The following HDAC9 variants were observed in gnomAD, a reference collection of about 807,000 sequenced individuals.
HDAC9 encodes the protein histone deacetylase 9.
Under a neutral mutation model 139.4 loss-of-function variants are expected in HDAC9, and 41 were observed. The observed-to-expected ratio is 0.29, with a 90% CI of 0.23 to 0.38. The LOEUF is 0.38. HDAC9 is among the 10% of genes least tolerant of loss of function. HDAC9 has a pLI of 1.00. For missense variants in HDAC9, 1,147 were observed against 1,297.0 expected (o/e 0.88, Z 1.78); for synonymous variants, 517 against 476.2 (o/e 1.09, Z -1.12).
At chr7:18,485,096 CTGGAGAGAAAACATTAGT>C (rs1795877587) in intron 1 of HDAC9, among the ~76,000 whole-genome samples, 1 of 152,082 alleles carries the variant, frequency 6.6e-6, no homozygotes, top group South Asian at 2.1e-4. Flanking sequence ...TCCCTGCCAT[CTGGAGAGAAAACATTAGT>C]TGGGGGGAAC....
chr7:18,580,091 C>G (rs1283334900), intron 2 of HDAC9, among the ~76,000 whole-genome samples: 2 of 152,078 alleles, frequency 1.3e-5, no homozygotes, highest in Non-Finnish European at 2.9e-5. Context: ...CTAGATTATC[C>G]TTAGTACTCT....
chr7:18,135,271 T>A lies in HDAC9; in HGVS notation c.-96-26958T>A, dbSNP rs1270852111. On this transcript the variant is annotated intron_variant, in intron 1 of 12. Coordinates refer to the HDAC9 transcript ENST00000417496. ...AATTTCTTTCTTTTTTTTTTTTTTTTAAAAAGGTAGTATTTACCATATTCT... is the reference window on the plus strand; with the variant it reads ...AATTTCTTTCTTTTTTTTTTTTTTTAAAAAAGGTAGTATTTACCATATTCT... Among the ~76,000 whole-genome samples, 304 of 141,340 alleles carry A rather than the reference T, an allele frequency of 2.2e-3. 1 individual carries two copies. The highest frequency in any genetic ancestry group is 8.1e-3 in the Admixed American group (117 of 14,402). The allele number at this position is 141,340 out of a possible 152,430, so 92.7% of individuals were successfully genotyped here.
chr7:18,741,127 A>G (rs1554342714), intron 13 of HDAC9, among the ~76,000 whole-genome samples: 1 of 152,352 alleles, frequency 6.6e-6, no homozygotes, highest in Non-Finnish European at 1.5e-5. Flanking sequence ...CGTTTTCCAG[A>G]AAGTCTAGCT....
At chr7:18,461,933 T>G (rs970670677) in intron 1 of HDAC9, among the ~76,000 whole-genome samples, 2 of 152,150 alleles carry the variant, frequency 1.3e-5, no homozygotes, top group African/African-American at 4.8e-5. Context: ...TTATCTCATT[T>G]CATCCTCCCA....
At chr7:18,505,243 C>T (rs189145544) in intron 2 of HDAC9, among the ~76,000 whole-genome samples, 20 of 152,182 alleles carry the variant, frequency 1.3e-4, no homozygotes, top group East Asian at 1.9e-4. Context: ...AAGTTAGCCC[C>T]GCTTCAAAAT....
In HDAC9 at chr7:18,727,589, G is replaced by A; in HGVS notation, c.1741G>A (p.Glu581Lys). 1 of 1,594,602 alleles carries A rather than the reference G, an allele frequency of 6.3e-7. No homozygotes were observed. Among genetic ancestry groups the A allele is most frequent in the Admixed American group, 1.8e-5 (1 of 56,702 alleles). ...CTTTTCTTGGCAACAGCCTTTCCTG[G>A]AACCCACGCACACACGTGCGCTCTC... ...QAAFMQQPFL[E>K]PTHTRALSVR... is the part of the protein sequence containing the mutation. The change falls in exon 13 of 26, where the codon GAA becomes AAA. Residue 581 changes from glutamate to lysine, a missense_variant. Glu to Lys is a moderately conservative substitution (Grantham distance 56, BLOSUM62 1). Coordinates refer to ENST00000686413, the MANE Select transcript of HDAC9 (RefSeq NM_178425.4).
intron 1 of HDAC9, among the ~76,000 whole-genome samples, chr7:18,463,471 G>A (rs965323829): frequency 1.2e-4 from 18 of 151,750 alleles, no homozygotes; most frequent in African/African-American, 4.1e-4. Flanking sequence ...GTGTATGTTT[G>A]GCTAGTCCCT....
At chr7:18,155,839 AT>A in intron 1 of HDAC9, among the ~76,000 whole-genome samples, 1 of 152,282 alleles carries the variant, frequency 6.6e-6, no homozygotes, top group East Asian at 1.9e-4. Flanking sequence ...GCCAAAAGTA[AT>A]TGATATGCCA....
chr7:18,401,720 G>A (rs1397842262), intron 1 of HDAC9, among the ~76,000 whole-genome samples: 4 of 152,064 alleles, frequency 2.6e-5, no homozygotes, highest in East Asian at 1.9e-4. Flanking sequence ...TCCTAGCCTC[G>A]TTTTTATTTT....
At chr7:18,347,516 TTG>T (rs1782510649) in intron 1 of HDAC9, among the ~76,000 whole-genome samples, 1 of 152,226 alleles carries the variant, frequency 6.6e-6, no homozygotes. Context: ...CCCATGTAAA[TTG>T]TGTTTATTCC....
At chr7:18,652,766 T>G (rs1455488488) in intron 11 of HDAC9, among the ~76,000 whole-genome samples, 1 of 151,990 alleles carries the variant, frequency 6.6e-6, no homozygotes, top group African/African-American at 2.4e-5. Context: ...GCAGGAATTT[T>G]AAGAAAATTC....
chr7:18,944,690 C>T (rs1295396654), intron 23 of HDAC9, among the ~76,000 whole-genome samples: 1 of 151,900 alleles, frequency 6.6e-6, no homozygotes, highest in Non-Finnish European at 1.5e-5. Flanking sequence ...TATGAAAAGC[C>T]CCCACATTCC....
In HDAC9 at chr7:18,400,313, G is replaced by A. The variant is rs536538381; in HGVS notation, c.-41-95949G>A. 6.6e-5 allele frequency among the ~76,000 whole-genome samples: 10 copies of A among 152,300 alleles called. No homozygotes were observed. In the East Asian group the frequency reaches 7.7e-4, roughly 12 times the overall value. ...TTTTGGATTGTAAGGGTAGAAATAC[G>A]TAAAATTTCCAACATAACTGCTGTT... is the stretch of plus-strand genomic sequence containing the variant. On this transcript the variant is annotated intron_variant, in intron 1 of 3. Coordinates refer to the HDAC9 transcript ENST00000413509.
At chr7:18,260,093 A>G (rs1481819347) in intron 2 of HDAC9, among the ~76,000 whole-genome samples, 2 of 152,166 alleles carry the variant, frequency 1.3e-5, no homozygotes, top group Non-Finnish European at 2.9e-5. Flanking sequence ...TTAAGTATTT[A>G]AATGAAGAAT....
chr7:18,368,237 C>G (rs1294962836), intron 1 of HDAC9, among the ~76,000 whole-genome samples: 1 of 151,894 alleles, frequency 6.6e-6, no homozygotes, highest in Non-Finnish European at 1.5e-5. Flanking sequence ...TATGAAAGGT[C>G]ATAAAGATAT....
chr7:18,318,298 A>G (rs1016937177), intron 1 of HDAC9, among the ~76,000 whole-genome samples: 10 of 152,234 alleles, frequency 6.6e-5, no homozygotes, highest in Non-Finnish European at 7.3e-5. Context: ...TCAATACAAA[A>G]ATGCTACATA....
chr7:18,169,820 T>C (rs761567552), intron 2 of HDAC9, among the ~76,000 whole-genome samples: 13 of 152,232 alleles, frequency 8.5e-5, no homozygotes, highest in Non-Finnish European at 1.8e-4. Context: ...TAGTATTCCA[T>C]GGTGTATATT....
At chr7:18,370,931 A>T (rs909045205) in intron 1 of HDAC9, among the ~76,000 whole-genome samples, 2 of 152,174 alleles carry the variant, frequency 1.3e-5, no homozygotes, top group East Asian at 3.8e-4. Flanking sequence ...TGAAACTGTC[A>T]TCACATAAAC....
chr7:18,246,579 C>G (rs568934171), intron 2 of HDAC9, among the ~76,000 whole-genome samples: 7 of 152,000 alleles, frequency 4.6e-5, no homozygotes, highest in Non-Finnish European at 8.8e-5. Flanking sequence ...ATGTCTTTGG[C>G]ATTTTGGGGA....
Sources: allele counts gnomAD v4.1 joint callset (sites outside exome capture counted in the v4.1 genomes callset), GRCh38; gene constraint gnomAD v4.1.1; transcripts MANE v1.5; gene names NCBI Gene and HGNC (gene_info 2026-07-23, HGNC 2026-07-21).